Variants in RIMS2 observed in about 807,000 individuals in gnomAD.
The protein encoded by RIMS2 is regulating synaptic membrane exocytosis 2, also known as regulating synaptic membrane exocytosis protein 2.
In RIMS2, 59 loss-of-function variants were observed where a neutral mutation model predicts 174.4. That is an observed-to-expected ratio of 0.34 (90% CI 0.27 to 0.42). The LOEUF (loss-of-function observed/expected upper bound fraction) is 0.42, where lower values mean the gene tolerates loss of function less well. RIMS2 is among the 10% of genes least tolerant of loss of function. The pLI, the probability that RIMS2 is intolerant of heterozygous loss-of-function variation, is 1.00. For missense variants in RIMS2, 1,620 were observed against 1,666.3 expected (o/e 0.97, Z 0.48); for synonymous variants, 606 against 572.5 (o/e 1.06, Z -0.84).
intron 2 of RIMS2, among the ~76,000 whole-genome samples, chr8:103,703,782 T>C (rs1288153328): frequency 6.6e-6 from 1 of 152,170 alleles, no homozygotes; most frequent in Non-Finnish European, 1.5e-5. Context: ...TGTTTGATTT[T>C]GTTTTCAGAT....
intron 1 of RIMS2, among the ~76,000 whole-genome samples, chr8:103,506,784 A>G (rs2130938309): frequency 6.6e-6 from 1 of 152,274 alleles, no homozygotes. Context: ...ATTTGTTTAG[A>G]AGACTAGGGA....
At chr8:103,513,406 C>T (rs1827507169) in intron 1 of RIMS2, among the ~76,000 whole-genome samples, 1 of 152,104 alleles carries the variant, frequency 6.6e-6, no homozygotes, top group Non-Finnish European at 1.5e-5. Context: ...AACTGAAACT[C>T]ATGGTGGCAG....
intron 1 of RIMS2, among the ~76,000 whole-genome samples, chr8:103,534,048 C>G (rs1838675247): frequency 6.6e-6 from 1 of 152,172 alleles, no homozygotes; most frequent in Middle Eastern, 3.2e-3. Flanking sequence ...GAAAAATACA[C>G]TAAGCCCTGT....
At chr8:103,740,926 C>T (rs977918244) in intron 2 of RIMS2, among the ~76,000 whole-genome samples, 8 of 152,002 alleles carry the variant, frequency 5.3e-5, no homozygotes, top group Non-Finnish European at 1.0e-4. Context: ...AGTTTATCCA[C>T]ATGTAATATA....
intron 19 of RIMS2, among the ~76,000 whole-genome samples, chr8:104,154,963 C>CCT: frequency 6.7e-6 from 1 of 149,436 alleles, no homozygotes; most frequent in South Asian, 2.1e-4. Context: ...GTAGAGTTTA[C>CCT]TTTTTTTTTT....
At chr8:103,788,207 T>G (rs1192204581) in intron 3 of RIMS2, among the ~76,000 whole-genome samples, 1 of 150,578 alleles carries the variant, frequency 6.6e-6, no homozygotes, top group Non-Finnish European at 1.5e-5. Context: ...TTCTTTGCCT[T>G]TGGTTTGAAT....
At chr8:103,791,597 A>T (rs992715652) in intron 3 of RIMS2, among the ~76,000 whole-genome samples, 1 of 152,174 alleles carries the variant, frequency 6.6e-6, no homozygotes, top group African/African-American at 2.4e-5. Flanking sequence ...AAATGGGCTA[A>T]ATGCTCCAAT....
At chr8:103,628,462 T>A (rs1377717298) in intron 1 of RIMS2, among the ~76,000 whole-genome samples, 2 of 151,842 alleles carry the variant, frequency 1.3e-5, no homozygotes, top group East Asian at 3.9e-4. Flanking sequence ...TCAGGCAATT[T>A]TCCTGCCTTA....
intron 4 of RIMS2, among the ~76,000 whole-genome samples, chr8:103,908,074 G>A (rs888835922): frequency 4.8e-5 from 7 of 145,766 alleles, no homozygotes; most frequent in African/African-American, 7.7e-5. Context: ...AGACAGTCTC[G>A]CTCTGTCTCC....
chr8:103,595,847 C>T (rs1157115599), intron 1 of RIMS2, among the ~76,000 whole-genome samples: 2 of 151,928 alleles, frequency 1.3e-5, no homozygotes, highest in Non-Finnish European at 2.9e-5. Flanking sequence ...TCGATCCCAT[C>T]CCACAGAAAA....
chr8:103,913,042 G>A (rs2076007358), intron 6 of RIMS2, among the ~76,000 whole-genome samples: 3 of 144,086 alleles, frequency 2.1e-5, no homozygotes, highest in African/African-American at 7.7e-5. Flanking sequence ...GCATGATCTC[G>A]GGTCACTGCA....
chr8:104,255,440 T>G (rs2099366402), downstream of RIMS2: 1 of 152,174 alleles, frequency 6.6e-6, no homozygotes, highest in Non-Finnish European at 1.5e-5. Flanking sequence ...CTTCTACTTT[T>G]CTCAATAATG....
At chr8:104,177,785 T>G (rs554836113) in intron 19 of RIMS2, among the ~76,000 whole-genome samples, 107 of 152,156 alleles carry the variant, frequency 7.0e-4, no homozygotes, top group Non-Finnish European at 1.2e-3. Flanking sequence ...GAGACCATAT[T>G]TATTTTTTTA....
intron 1 of RIMS2, among the ~76,000 whole-genome samples, chr8:103,616,735 A>G (rs1358427290): frequency 6.6e-6 from 1 of 152,284 alleles, no homozygotes; most frequent in South Asian, 2.1e-4. Flanking sequence ...ACAATAACCA[A>G]TCTGAGAGCC....
intron 19 of RIMS2, among the ~76,000 whole-genome samples, chr8:104,039,833 T>C (rs968826700): frequency 4.0e-5 from 6 of 151,730 alleles, no homozygotes; most frequent in Admixed American, 3.9e-4. Flanking sequence ...TGTGTATTAG[T>C]ATATTTCTGG....
At chr8:103,640,497 A>C (rs894194390) in intron 1 of RIMS2, among the ~76,000 whole-genome samples, 4 of 152,060 alleles carry the variant, frequency 2.6e-5, no homozygotes, top group African/African-American at 9.7e-5. Flanking sequence ...ATATGCATTA[A>C]AATGCTAGAA....
chr8:103,535,788 A>C (rs1480920433), intron 1 of RIMS2, among the ~76,000 whole-genome samples: 1 of 152,254 alleles, frequency 6.6e-6, no homozygotes, highest in Non-Finnish European at 1.5e-5. Context: ...AGAGAATGTG[A>C]AATCACATAA....
chr8:103,644,291 CT>C (rs1564137234), intron 1 of RIMS2, among the ~76,000 whole-genome samples: 2 of 152,074 alleles, frequency 1.3e-5, no homozygotes, highest in South Asian at 4.1e-4. Context: ...TTGTATTTGT[CT>C]GTTTGTTTAG....
At chr8:104,128,775 C>G (rs1221186789) in intron 19 of RIMS2, among the ~76,000 whole-genome samples, 2 of 152,032 alleles carry the variant, frequency 1.3e-5, no homozygotes, top group Non-Finnish European at 2.9e-5. Flanking sequence ...CAGCTGTGCC[C>G]CATTTCATTA....
Sources: gnomAD v4.1 joint callset for allele counts (sites outside exome capture counted in the v4.1 genomes callset) on GRCh38, gnomAD v4.1.1 for gene constraint, MANE v1.5 for transcripts, NCBI Gene and HGNC (gene_info 2026-07-23, HGNC 2026-07-21) for gene names.